Variants in CACNA1H observed in about 807,000 individuals in gnomAD.
The protein encoded by CACNA1H is calcium voltage-gated channel subunit alpha1 H.
In CACNA1H, 149 loss-of-function variants were observed where a neutral mutation model predicts 192.5. The ratio of observed to expected loss-of-function variants is 0.77; its 90% confidence interval spans 0.68 to 0.89. The LOEUF (loss-of-function observed/expected upper bound fraction) is 0.89. Ranked by LOEUF, CACNA1H falls within the 40% of genes least tolerant of loss-of-function variation. The probability of loss-of-function intolerance (pLI) is 0.00; values close to 1 mark genes in which losing one functional copy is unlikely to be tolerated. For synonymous variants in CACNA1H, 2,202 were observed against 1,475.2 expected, an observed-to-expected ratio of 1.49 and a Z score of -11.29; for missense variants, 4,257 against 3,423.5, an observed-to-expected ratio of 1.24 and a Z score of -6.08.
intron 2 of CACNA1H, among the ~76,000 whole-genome samples, chr16:1,159,000 G>A (rs921972670): frequency 6.6e-6 from 1 of 152,234 alleles, no homozygotes; most frequent in African/African-American, 2.4e-5. Flanking sequence ...TTCATCGCTG[G>A]GATCGTCCTT....
intron 6 of CACNA1H, among the ~76,000 whole-genome samples, chr16:1,199,133 C>T (rs1366249997): frequency 4.3e-4 from 26 of 60,504 alleles, no homozygotes; most frequent in Non-Finnish European, 7.6e-4. Flanking sequence ...CCACCCCCAT[C>T]ATGGCTCCGC....
At chr16:1,217,666 AT>A (rs2141389981) in intron 31 of CACNA1H, among the ~76,000 whole-genome samples, 1 of 151,972 alleles carries the variant, frequency 6.6e-6, no homozygotes, top group South Asian at 2.1e-4. Context: ...CACAATAATG[AT>A]TCTTCCATGG....
chr16:1,175,494 C>A (rs899539027), intron 2 of CACNA1H, among the ~76,000 whole-genome samples: 6 of 152,158 alleles, frequency 3.9e-5, no homozygotes, highest in African/African-American at 1.4e-4. Flanking sequence ...GGATGCACCC[C>A]TGCCCCTCCA....
At chr16:1,159,683 G>C (rs1301022404) in intron 2 of CACNA1H, 1 of 152,652 alleles carries the variant, frequency 6.6e-6, no homozygotes, top group Non-Finnish European at 1.5e-5. Context: ...CGATGAGAGA[G>C]ACGGGGCTGG....
Position 1,205,672 on chromosome 16 carries a change from G to C in CACNA1H, c.2603+407G>C, listed in dbSNP as rs544086255. Among the ~76,000 whole-genome samples, 183 of 152,326 alleles carry C rather than the reference G, an allele frequency of 1.2e-3. 1 individual carries two copies. The highest frequency in any genetic ancestry group is 0.01 in the Middle Eastern group (3 of 294). ...AGAAAATTAAACCAGAAAGGATTGG[G>C]AAAATTTGAGGGGAAACGCCCCCGG... On this transcript the variant is annotated intron_variant, in intron 11 of 34. Coordinates refer to ENST00000348261, the MANE Select transcript of CACNA1H (RefSeq NM_021098.3).
chr16:1,200,368 C>T lies in CACNA1H; in HGVS notation c.916C>T (p.Pro306Ser). The change falls in exon 7 of 35, where the codon CCC (proline) becomes TCC (serine). Residue 306 changes from proline to serine, a missense_variant. Physicochemically the swap from Pro to Ser is moderately conservative, Grantham distance 74. Transcript: ENST00000348261. ...CGGCATGCAGAAGTGCTCGCACATC[C>T]CCGGCCGCCGCGAGCTGCGCATGCC... is the stretch of plus-strand genomic sequence containing the variant. Reference protein sequence around the residue: ...DNGMQKCSHIPGRRELRMPCT... With the variant: ...DNGMQKCSHISGRRELRMPCT... The T allele has an allele frequency of 6.2e-7, 1 of 1,600,236 alleles. No homozygotes were observed. Among genetic ancestry groups the T allele is most frequent in the Non-Finnish European group, 8.5e-7 (1 of 1,174,298 alleles).
chr16:1,217,243 C>A (rs549966411), intron 31 of CACNA1H, among the ~76,000 whole-genome samples: 1 of 152,348 alleles, frequency 6.6e-6, no homozygotes, highest in East Asian at 1.9e-4. Flanking sequence ...TGCGGACGTG[C>A]ACACAGCAAC....
At chr16:1,190,772 G>A (rs1966533614) in intron 2 of CACNA1H, among the ~76,000 whole-genome samples, 3 of 140,334 alleles carry the variant, frequency 2.1e-5, no homozygotes, top group African/African-American at 9.0e-5. Flanking sequence ...GGTGCTGGGG[G>A]AAGGGGAGGC....
rs768747822 is a variant in CACNA1H, at chr16:1,206,995, C to T, written c.2790-6C>T. 18 of 1,574,280 alleles carry T rather than the reference C, an allele frequency of 1.1e-5. No individual in the cohort carries two copies. Among genetic ancestry groups the T allele is most frequent in the South Asian group, 4.6e-5 (4 of 86,278 alleles). ...ACCCTCAACACGCCCCTGCCCCCAC[C>T]CTCAGCATCCTGGGCATGCACCTTT... is the stretch of plus-strand genomic sequence containing the variant. On this transcript the variant is annotated splice_region_variant and splice_polypyrimidine_tract_variant and intron_variant, in intron 12 of 34. Coordinates refer to ENST00000348261, the MANE Select transcript of CACNA1H (RefSeq NM_021098.3).
Position 1,219,987 on chromosome 16 carries a change from G to T in CACNA1H, c.6055G>T (p.Val2019Leu), listed in dbSNP as rs1227464116. Residue 2019 changes from valine (V) to leucine (L), a missense_variant, in exon 35 of 35, where the codon GTG becomes TTG. Transcript: ENST00000348261. ...LSRLLCRQEAVHTDSLEGKID... is the reference protein window; with the variant it reads ...LSRLLCRQEALHTDSLEGKID... ...TGACTCTACGCCCCCACAGGAGGCTGTGCACACCGATTCCTTGGAAGGGAA... is the reference window on the plus strand; with the variant it reads ...TGACTCTACGCCCCCACAGGAGGCTTTGCACACCGATTCCTTGGAAGGGAA... The T allele has an allele frequency of 7.5e-7, 1 of 1,333,486 alleles. No homozygotes were observed. Among genetic ancestry groups the T allele is most frequent in the Non-Finnish European group, 9.6e-7 (1 of 1,038,362 alleles). The allele number at this position is 1,333,486 out of a possible 1,614,324, so 82.6% of individuals were successfully genotyped here. A position where few individuals can be genotyped will look rare whatever the true frequency, so the allele number is the denominator to read the frequency against.
intron 22 of CACNA1H, 30 bp from the exon 23 acceptor site, chr16:1,211,451 C>A (rs940941350): frequency 6.2e-7 from 1 of 1,611,958 alleles, no homozygotes. Flanking sequence ...ACAGGCCAGG[C>A]CCTCCGCGGT....
intron 2 of CACNA1H, among the ~76,000 whole-genome samples, chr16:1,174,258 G>A (rs1305204415): frequency 6.6e-6 from 1 of 152,210 alleles, no homozygotes; most frequent in African/African-American, 2.4e-5. Flanking sequence ...TGGGTTCAAG[G>A]CCACCCCATG....
chr16:1,162,058 G>A (rs577392375), intron 2 of CACNA1H, among the ~76,000 whole-genome samples: 10 of 152,312 alleles, frequency 6.6e-5, no homozygotes, highest in East Asian at 1.9e-4. Flanking sequence ...CCTCCTGGGC[G>A]TTGGTTTTCT....
At chr16:1,203,413 C>T (rs1968240354) in intron 9 of CACNA1H, among the ~76,000 whole-genome samples, 1 of 152,174 alleles carries the variant, frequency 6.6e-6, no homozygotes, top group Non-Finnish European at 1.5e-5. Context: ...GTGGATGGCA[C>T]AGCCCAAGGC....
At chr16:1,205,369 C>A in intron 11 of CACNA1H, 104 bp downstream of exon 11, 1 of 1,241,014 alleles carries the variant, frequency 8.1e-7, no homozygotes, top group African/African-American at 1.5e-5. Flanking sequence ...GGAAGTACGA[C>A]GATAGCTCTT....
At chr16:1,216,248 C>A (rs931375387) in intron 30 of CACNA1H, among the ~76,000 whole-genome samples, 1 of 152,226 alleles carries the variant, frequency 6.6e-6, no homozygotes, top group East Asian at 1.9e-4. Context: ...TGCCTCCCAC[C>A]TCAGCTGTCC....
rs780993667 is a variant in CACNA1H, at chr16:1,209,394, TGAC to T, written c.3733_3735del (p.Asp1245del). On this transcript the variant is annotated inframe_deletion, in exon 17 of 35. Coordinates refer to ENST00000348261, the MANE Select transcript of CACNA1H (RefSeq NM_021098.3). ...GCCACCGTGAGGATGCAGCCGAGCT[TGAC>T]GACGACTCGGAGGACGTGAGTGCGT... The T allele has an allele frequency of 5.3e-5, 84 of 1,597,624 alleles. 1 individual carries two copies. Among genetic ancestry groups the T allele is most frequent in the Middle Eastern group, 3.3e-4 (2 of 6,080 alleles).
At chr16:1,183,352 G>A (rs1273143978) in intron 2 of CACNA1H, among the ~76,000 whole-genome samples, 1 of 152,174 alleles carries the variant, frequency 6.6e-6, no homozygotes, top group East Asian at 1.9e-4. Context: ...CTTCTCCCGA[G>A]GAAGGAGACG....
At chr16:1,156,444 G>A (rs150559640) in intron 2 of CACNA1H, among the ~76,000 whole-genome samples, 1 of 152,230 alleles carries the variant, frequency 6.6e-6, no homozygotes, top group Non-Finnish European at 1.5e-5. Context: ...GGGGGGATTG[G>A]CTGAGCCGGG....
Sources: gnomAD v4.1 joint callset for allele counts (sites outside exome capture counted in the v4.1 genomes callset) on GRCh38, gnomAD v4.1.1 for gene constraint, MANE v1.5 for transcripts, NCBI Gene and HGNC (gene_info 2026-07-23, HGNC 2026-07-21) for gene names.